The following PLCE1 variants were observed in gnomAD, a reference collection of about 807,000 sequenced individuals.
PLCE1 encodes 1-phosphatidylinositol 4,5-bisphosphate phosphodiesterase epsilon-1.
In PLCE1, 119 loss-of-function variants were observed where a neutral mutation model predicts 242.8. The observed-to-expected ratio is 0.49, with a 90% CI of 0.42 to 0.57. PLCE1 has a LOEUF of 0.57. Ranked by LOEUF, PLCE1 falls within the 20% of genes least tolerant of loss-of-function variation. The pLI is 0.00. For missense variants in PLCE1, 2,441 were observed against 2,788.8 expected (o/e 0.88, Z 2.81); for synonymous variants, 945 against 1,017.4 (o/e 0.93, Z 1.35).
chr10:94,116,624 G>T (rs1334690913), intron 2 of PLCE1, among the ~76,000 whole-genome samples: 1 of 152,138 alleles, frequency 6.6e-6, no homozygotes, highest in African/African-American at 2.4e-5. Context: ...GAACCTGGGA[G>T]GCAGAAGTTG....
At chr10:94,198,186 G>A (rs1235019468) in intron 4 of PLCE1, among the ~76,000 whole-genome samples, 1 of 152,020 alleles carries the variant, frequency 6.6e-6, no homozygotes, top group East Asian at 1.9e-4. Flanking sequence ...TTCCAAGTAT[G>A]AACAAGAAGA....
intron 4 of PLCE1, among the ~76,000 whole-genome samples, chr10:94,226,159 A>G (rs1395153170): frequency 1.3e-5 from 2 of 152,260 alleles, no homozygotes; most frequent in African/African-American, 4.8e-5. Context: ...GATGATTTAG[A>G]GGCTGCATAT....
intron 2 of PLCE1, among the ~76,000 whole-genome samples, chr10:94,101,927 C>T (rs961457267): frequency 2.0e-5 from 3 of 152,106 alleles, no homozygotes; most frequent in African/African-American, 7.2e-5. Context: ...CCCAGAGTTG[C>T]CTGGGGACCA....
At chr10:94,227,476 A>G (rs376625704) in intron 5 of PLCE1, 25 bp downstream of exon 5, 17 of 1,607,866 alleles carry the variant, frequency 1.1e-5, no homozygotes, top group Admixed American at 3.3e-5. Context: ...GAATATGGTT[A>G]TCTTGGCACA....
intron 3 of PLCE1, among the ~76,000 whole-genome samples, chr10:94,163,523 A>C (rs1435272383): frequency 6.6e-6 from 1 of 151,926 alleles, no homozygotes; most frequent in Non-Finnish European, 1.5e-5. Flanking sequence ...ATCTTCCTCC[A>C]TCCCTTTATT....
chr10:94,230,977 G>GTCTA (rs2050123870), intron 5 of PLCE1, among the ~76,000 whole-genome samples: 1 of 152,118 alleles, frequency 6.6e-6, no homozygotes, highest in African/African-American at 2.4e-5. Context: ...GAACAAAACT[G>GTCTA]TCTATCCCTA....
In PLCE1 at chr10:94,227,437, C is replaced by T. The variant is rs867638196; in HGVS notation, c.1941C>T (p.Phe647=). 1.9e-6 allele frequency: 3 copies of T among 1,613,998 alleles called. No individual in the cohort carries two copies. The Admixed American group carries it at 5.0e-5, about 27-fold the overall frequency. ...NMGNYNAVME[F]LAGLRSRKVL... The stretch of plus-strand genomic sequence containing the variant: ...GCAACTACAACGCTGTCATGGAGTT[C>T]TTGGCTGGCCTCAGGTATAGTCAGT... The change falls in exon 5 of 33, where the codon TTC becomes TTT. Residue 647 remains phenylalanine, a synonymous_variant. Coordinates refer to ENST00000371380, the MANE Select transcript of PLCE1 (RefSeq NM_016341.4).
intron 4 of PLCE1, among the ~76,000 whole-genome samples, chr10:94,202,480 A>G (rs966272567): frequency 9.2e-5 from 14 of 152,148 alleles, no homozygotes; most frequent in African/African-American, 3.1e-4. Flanking sequence ...GAACTTTACC[A>G]CCACCCCCCA....
Position 94,325,050 on chromosome 10 carries a change from C to T in PLCE1, c.6879C>T (p.Ser2293=). ...AGGAGAAACCTGTGGGTGGCTTGTC[C>T]TCCAGTGACACAATGGATTACCGAC... ...TKEEKPVGGL[S]SSDTMDYRQ is the part of the protein sequence containing the mutation. The change falls in exon 32 of 33, where the codon TCC becomes TCT. Residue 2293 remains serine, a synonymous_variant. Transcript: ENST00000371380. The T allele has an allele frequency of 6.2e-7, 1 of 1,614,188 alleles. No individual in the cohort carries two copies. Among genetic ancestry groups the T allele is most frequent in the Non-Finnish European group, 8.5e-7 (1 of 1,180,018 alleles).
chr10:94,110,058 CTTTTTTTTTTTT>C lies in PLCE1; in HGVS notation c.1207-22105_1207-22094del, dbSNP rs33974566. Reference sequence around the variant, plus strand: ...AGACCCTTTCCTTTTTTTCTTTTTTCTTTTTTTTTTTTTTTTTTTTTTGAGATGGAGTCTCGC... The same window carrying C: ...AGACCCTTTCCTTTTTTTCTTTTTTCTTTTTTTTTTGAGATGGAGTCTCGC... On this transcript the variant is annotated intron_variant, in intron 2 of 32. Transcript: ENST00000371380. 4.0e-5 allele frequency among the ~76,000 whole-genome samples: 3 copies of C among 75,886 alleles called. No homozygotes were observed. In the Admixed American group the frequency reaches 6.8e-4, roughly 17 times the overall value. 49.8% of individuals were successfully genotyped at this position (75,886 alleles called of 152,430 possible).
chr10:94,198,713 A>T (rs982259789), intron 4 of PLCE1, among the ~76,000 whole-genome samples: 1 of 152,172 alleles, frequency 6.6e-6, no homozygotes, highest in Non-Finnish European at 1.5e-5. Context: ...TACAGTAGGT[A>T]GTCTTTTGAG....
chr10:94,191,602 C>G (rs1245071511), intron 4 of PLCE1, among the ~76,000 whole-genome samples: 1 of 152,020 alleles, frequency 6.6e-6, no homozygotes. Context: ...GTTCGTGCCA[C>G]TGCATTCCAG....
At chr10:94,089,322 C>A in intron 2 of PLCE1, 2 of 1,613,722 alleles carry the variant, frequency 1.2e-6, no homozygotes, top group Non-Finnish European at 8.5e-7. Context: ...CTGAGGTACC[C>A]AATTTTACCT....
At chr10:94,126,133 T>C (rs2046428990) in intron 2 of PLCE1, among the ~76,000 whole-genome samples, 1 of 152,248 alleles carries the variant, frequency 6.6e-6, no homozygotes, top group Admixed American at 6.5e-5. Context: ...GCAAGTGTTA[T>C]CTAAGCATTG....
chr10:94,067,979 G>A (rs933362443), intron 2 of PLCE1, among the ~76,000 whole-genome samples: 4 of 152,168 alleles, frequency 2.6e-5, no homozygotes, highest in Non-Finnish European at 5.9e-5. Flanking sequence ...TAAGATAGGG[G>A]CTGAACCCCC....
chr10:94,274,418 G>A (rs1029568753), intron 19 of PLCE1, among the ~76,000 whole-genome samples: 2 of 152,198 alleles, frequency 1.3e-5, no homozygotes, highest in African/African-American at 4.8e-5. Flanking sequence ...GCACACAGAT[G>A]CTAAACATAC....
chr10:94,291,905 G>A (rs1380351291), intron 22 of PLCE1, among the ~76,000 whole-genome samples: 1 of 151,974 alleles, frequency 6.6e-6, no homozygotes, highest in Non-Finnish European at 1.5e-5. Flanking sequence ...TGATCACTCA[G>A]CCCTTGTTTA....
At chr10:94,206,076 T>C (rs1026124644) in intron 4 of PLCE1, among the ~76,000 whole-genome samples, 1 of 151,756 alleles carries the variant, frequency 6.6e-6, no homozygotes, top group Non-Finnish European at 1.5e-5. Context: ...GGGAGAAAAA[T>C]AAAGCAAGGC....
intron 13 of PLCE1, among the ~76,000 whole-genome samples, chr10:94,262,087 G>A (rs1295765986): frequency 3.4e-5 from 5 of 147,568 alleles, no homozygotes; most frequent in South Asian, 2.2e-4. Flanking sequence ...TGCAACCGCC[G>A]CCTCCTGGGT....
Sources: allele counts gnomAD v4.1 joint callset (sites outside exome capture counted in the v4.1 genomes callset), GRCh38; gene constraint gnomAD v4.1.1; transcripts MANE v1.5; gene names NCBI Gene and HGNC (gene_info 2026-07-23, HGNC 2026-07-21).